The following INVS variants were observed in gnomAD, a reference collection of about 807,000 sequenced individuals.
The protein encoded by INVS is inversion of embryo turning homolog.
In INVS, 86 loss-of-function variants were observed where a neutral mutation model predicts 108.8. The ratio of observed to expected loss-of-function variants is 0.79; its 90% CI spans 0.66 to 0.95. The LOEUF is 0.95. INVS is among the 40% of genes least tolerant of loss of function. INVS has a pLI of 0.00. For synonymous variants in INVS, 455 were observed against 473.5 expected (o/e 0.96, Z 0.51); for missense variants, 1,169 against 1,297.4 (o/e 0.90, Z 1.52).
intron 3 of INVS, among the ~76,000 whole-genome samples, chr9:100,164,467 A>C (rs1480428437): frequency 6.6e-6 from 1 of 152,144 alleles, no homozygotes; most frequent in Non-Finnish European, 1.5e-5. Flanking sequence ...AAACATATTC[A>C]AAAATAGAAT....
chr9:100,139,719 T>C (rs1185811158), intron 3 of INVS, among the ~76,000 whole-genome samples: 1 of 152,224 alleles, frequency 6.6e-6, no homozygotes, highest in African/African-American at 2.4e-5. Flanking sequence ...CAGGGCTCAC[T>C]GCAGCTTCAA....
chr9:100,121,124 G>C (rs1286395636), intron 2 of INVS, among the ~76,000 whole-genome samples: 1 of 152,106 alleles, frequency 6.6e-6, no homozygotes, highest in African/African-American at 2.4e-5. Context: ...GCAGGAAAGT[G>C]TCTCTGCTGC....
intron 2 of INVS, among the ~76,000 whole-genome samples, chr9:100,111,303 T>A (rs1207231592): frequency 6.6e-6 from 1 of 152,250 alleles, no homozygotes; most frequent in Admixed American, 6.5e-5. Flanking sequence ...TAACTGCAAG[T>A]GACAGTCATT....
chr9:100,224,962 T>C (rs972198647), intron 3 of INVS, among the ~76,000 whole-genome samples: 1 of 151,970 alleles, frequency 6.6e-6, no homozygotes, highest in Non-Finnish European at 1.5e-5. Flanking sequence ...AGGATTTAAC[T>C]GACTTGGAGA....
rs533238959 is a variant in INVS at position 100,182,622 on chromosome 9, C to A, written c.274-43440C>A. Among the ~76,000 whole-genome samples the A allele has an allele frequency of 3.3e-5, 5 of 152,190 alleles. No individual in the cohort carries two copies. In the South Asian group the frequency reaches 1.0e-3, roughly 32 times the overall value. The stretch of plus-strand genomic sequence containing the variant: ...GTTAGAATGGCGATCATTAAAAAGT[C>A]AGGAAACAACAGGTGCTGGAGAGGA... On this transcript the variant is annotated intron_variant, in intron 3 of 16. Coordinates refer to ENST00000262457, the MANE Select transcript of INVS (RefSeq NM_014425.5).
At chr9:100,237,445 C>T (rs1049507654) in intron 5 of INVS, among the ~76,000 whole-genome samples, 7 of 152,130 alleles carry the variant, frequency 4.6e-5, no homozygotes, top group South Asian at 2.1e-4. Context: ...TCTGCCCAAA[C>T]GGCCACCCAG....
chr9:100,288,310 T>C (rs1216785674), intron 13 of INVS, among the ~76,000 whole-genome samples: 4 of 152,182 alleles, frequency 2.6e-5, no homozygotes, highest in Non-Finnish European at 5.9e-5. Context: ...GCCTATCTCC[T>C]GACTATAGGA....
At chr9:100,188,941 G>A (rs9695692) in intron 3 of INVS, among the ~76,000 whole-genome samples, 47,679 of 151,540 alleles carry the variant, frequency 0.31, 8,598 homozygotes, top group Non-Finnish European at 0.42. Flanking sequence ...TGTATTTCCA[G>A]GAATTTATCC....
At chr9:100,299,635 GACACACAC>G (rs10530240) in intron 16 of INVS, among the ~76,000 whole-genome samples, 2,279 of 132,252 alleles carry the variant, frequency 0.017, 56 homozygotes, top group African/African-American at 0.054. Context: ...GCCTTTTATT[GACACACAC>G]ACACACACAC....
intron 3 of INVS, among the ~76,000 whole-genome samples, chr9:100,132,224 TAC>T (rs1828074772): frequency 2.8e-5 from 2 of 71,030 alleles, no homozygotes; most frequent in Non-Finnish European, 5.2e-5. Flanking sequence ...ATTTAAGGAA[TAC>T]ATGAATGAAT....
At chr9:100,156,525 G>T (rs146188165) in intron 3 of INVS, among the ~76,000 whole-genome samples, 226 of 151,922 alleles carry the variant, frequency 1.5e-3, no homozygotes, top group African/African-American at 5.0e-3. Context: ...AGCCTCCCAA[G>T]GTGCTAGTGT....
chr9:100,163,223 CCTCCCAAATG>C (rs1263015203), intron 3 of INVS, among the ~76,000 whole-genome samples: 1 of 134,198 alleles, frequency 7.5e-6, no homozygotes, highest in East Asian at 2.2e-4. Flanking sequence ...GTGCATATTT[CCTCCCAAATG>C]CTCCCAAATG....
chr9:100,243,306 C>A (rs967400329), intron 7 of INVS, among the ~76,000 whole-genome samples: 2 of 152,064 alleles, frequency 1.3e-5, no homozygotes, highest in African/African-American at 4.8e-5. Flanking sequence ...TTAGTTTCTT[C>A]ATATGTAAGA....
At chr9:100,161,372 A>ACAAAAAAAAAC (rs1357620784) in intron 3 of INVS, among the ~76,000 whole-genome samples, 2 of 148,992 alleles carry the variant, frequency 1.3e-5, no homozygotes, top group African/African-American at 5.0e-5. Flanking sequence ...CTCAAAAAAA[A>ACAAAAAAAAAC]AAAAAAAAAA....
rs1322904199 is a variant in INVS at position 100,165,604 on chromosome 9, A to AT, written c.273+39063dup. ...GGCATCCTCCTAGGATAATCAATTA[A>AT]TTTTTTTTCATTTTTAATATCATTA... On this transcript the variant is annotated intron_variant, in intron 3 of 16. Transcript: ENST00000262457. Among the ~76,000 whole-genome samples the AT allele has an allele frequency of 3.9e-5, 6 of 152,004 alleles. No individual in the cohort carries two copies. The East Asian group carries it at 1.2e-3, about 29-fold the overall frequency.
At chr9:100,234,843 G>A (rs549248028) in intron 5 of INVS, among the ~76,000 whole-genome samples, 148 of 152,290 alleles carry the variant, frequency 9.7e-4, no homozygotes, top group African/African-American at 3.4e-3. Context: ...ATATTCTGTT[G>A]ATTTGGGGTG....
chr9:100,196,060 A>G (rs995336672), intron 3 of INVS, among the ~76,000 whole-genome samples: 9 of 152,036 alleles, frequency 5.9e-5, no homozygotes, highest in Non-Finnish European at 1.2e-4. Flanking sequence ...GTAAGATTGG[A>G]ATTATTTATT....
chr9:100,236,414 A>G (rs1831688529), intron 5 of INVS, among the ~76,000 whole-genome samples: 1 of 152,140 alleles, frequency 6.6e-6, no homozygotes, highest in African/African-American at 2.4e-5. Flanking sequence ...AGGACTTGTG[A>G]TCTTTTGGAG....
At position 100,302,027 on chromosome 9, in the gene INVS, T is replaced by C. The variant is rs925291725; in HGVS notation, c.*1353T>C. 4 of 496,388 alleles carry C rather than the reference T, an allele frequency of 8.1e-6. No homozygotes were observed. The highest frequency in any genetic ancestry group is 4.8e-5 in the South Asian group (1 of 21,012). The allele number at this position is 496,388 out of a possible 1,614,324, so 30.7% of individuals were successfully genotyped here. On this transcript the variant is annotated 3_prime_UTR_variant, in exon 17 of 17. Transcript: ENST00000262457. ...TCCGGGAAGCCAGCCTACACATCAA[T>C]AGGAACGCCCAAACATTATTTTCAT...
Sources: allele counts gnomAD v4.1 joint callset (sites outside exome capture counted in the v4.1 genomes callset), GRCh38; gene constraint gnomAD v4.1.1; transcripts MANE v1.5; gene names NCBI Gene and HGNC (gene_info 2026-07-23, HGNC 2026-07-21).